Variants in EPS15 observed in about 807,000 individuals in gnomAD.
EPS15 encodes epidermal growth factor receptor substrate 15.
A neutral mutation model predicts 113.8 loss-of-function variants in EPS15; 72 were observed. The ratio of observed to expected loss-of-function variants is 0.63; its 90% CI spans 0.52 to 0.77. The LOEUF (loss-of-function observed/expected upper bound fraction) is 0.77, where lower values mean the gene tolerates loss of function less well. Among genes scored for constraint, EPS15 ranks in the 30% least tolerant of loss-of-function variants. The pLI is 0.00. For missense variants in EPS15, 1,048 were observed against 1,045.8 expected, an observed-to-expected ratio of 1.00 and a Z score of -0.03; for synonymous variants, 344 against 363.4, an observed-to-expected ratio of 0.95 and a Z score of 0.61.
intron 21 of EPS15, chr1:51,372,377 G>C (rs1019486259): frequency 5.6e-6 from 3 of 536,630 alleles, no homozygotes; most frequent in Non-Finnish European, 7.6e-6. Context: ...TTGTTGGTGT[G>C]CTTTTGGGGT....
At chr1:51,359,442 T>TGA (rs1292777294) in intron 24 of EPS15, among the ~76,000 whole-genome samples, 2 of 129,374 alleles carry the variant, frequency 1.5e-5, no homozygotes, top group South Asian at 2.3e-4. Flanking sequence ...GACTCTGTCT[T>TGA]TAAAAAAAAA....
intron 4 of EPS15, among the ~76,000 whole-genome samples, chr1:51,469,628 T>A (rs1655100823): frequency 6.6e-6 from 1 of 152,162 alleles, no homozygotes; most frequent in Non-Finnish European, 1.5e-5. Flanking sequence ...TGAAATCCCG[T>A]ACTCTCCCCC....
At chr1:51,473,995 G>A (rs956003854) in intron 2 of EPS15, among the ~76,000 whole-genome samples, 3 of 152,158 alleles carry the variant, frequency 2.0e-5, no homozygotes, top group African/African-American at 4.8e-5. Context: ...TTCCTGATCA[G>A]CATACAAAAC....
chr1:51,445,481 C>A (rs1231700140), intron 10 of EPS15, among the ~76,000 whole-genome samples: 3 of 152,166 alleles, frequency 2.0e-5, no homozygotes, highest in Admixed American at 2.0e-4. Context: ...ATGCCTCCTG[C>A]AACTCTTGGA....
At chr1:51,517,928 T>C (rs1409872960) in intron 1 of EPS15, among the ~76,000 whole-genome samples, 1 of 152,186 alleles carries the variant, frequency 6.6e-6, no homozygotes, top group Non-Finnish European at 1.5e-5. Context: ...CAAAGCCTCT[T>C]GATTTTAAAC....
chr1:51,461,301 C>A (rs1000790680), intron 7 of EPS15, 151 bp from the exon 8 acceptor site: 1 of 616,844 alleles, frequency 1.6e-6, no homozygotes, highest in Non-Finnish European at 2.9e-6. Context: ...AGGATCACTT[C>A]AGCCCAGGAG....
intron 12 of EPS15, among the ~76,000 whole-genome samples, chr1:51,424,367 A>G (rs1400945265): frequency 6.6e-6 from 1 of 152,178 alleles, no homozygotes; most frequent in African/African-American, 2.4e-5. Flanking sequence ...ATATCTAAAC[A>G]TATCTTTGTG....
chr1:51,385,597 G>A (rs1484698546), intron 21 of EPS15, among the ~76,000 whole-genome samples: 1 of 152,160 alleles, frequency 6.6e-6, no homozygotes, highest in African/African-American at 2.4e-5. Context: ...TCAGATATCT[G>A]TACCCTCACA....
chr1:51,503,716 C>T (rs534617070), intron 1 of EPS15, among the ~76,000 whole-genome samples: 1 of 152,282 alleles, frequency 6.6e-6, no homozygotes, highest in East Asian at 1.9e-4. Context: ...AACAACAATA[C>T]TCAAGACAGT....
At chr1:51,453,156 A>G (rs1451478056) in intron 8 of EPS15, among the ~76,000 whole-genome samples, 4 of 152,234 alleles carry the variant, frequency 2.6e-5, no homozygotes. Flanking sequence ...AAATTGTCAG[A>G]ATGGCACTGA....
At chr1:51,460,994 G>A (rs979003454) in intron 8 of EPS15, 97 bp downstream of exon 8, 1 of 800,716 alleles carries the variant, frequency 1.2e-6, no homozygotes, top group Non-Finnish European at 2.1e-6. Flanking sequence ...AATCTGATGA[G>A]AATATAGTTT....
At chr1:51,421,441 G>C (rs182803596) in intron 13 of EPS15, among the ~76,000 whole-genome samples, 3 of 151,736 alleles carry the variant, frequency 2.0e-5, no homozygotes, top group Non-Finnish European at 4.4e-5. Context: ...ATGATGATGA[G>C]ATGATGATCT....
intron 1 of EPS15, chr1:51,518,496 AG>A (rs1184377883): frequency 6.5e-6 from 1 of 152,970 alleles, no homozygotes; most frequent in Non-Finnish European, 1.5e-5. Flanking sequence ...GGGTGGCAAA[AG>A]GCTGCATTGG....
chr1:51,417,402 A>C (rs1262618442), intron 13 of EPS15, among the ~76,000 whole-genome samples: 1 of 152,326 alleles, frequency 6.6e-6, no homozygotes, highest in African/African-American at 2.4e-5. Flanking sequence ...ACACAAAACC[A>C]AAGTTTATTC....
At chr1:51,404,128 CA>C (rs1648863429) in intron 16 of EPS15, among the ~76,000 whole-genome samples, 1 of 152,120 alleles carries the variant, frequency 6.6e-6, no homozygotes, top group Non-Finnish European at 1.5e-5. Flanking sequence ...AGGCAGATCA[CA>C]AGGTCAGGAG....
At chr1:51,466,202 T>G (rs562519658) in intron 5 of EPS15, among the ~76,000 whole-genome samples, 1 of 151,304 alleles carries the variant, frequency 6.6e-6, no homozygotes, top group South Asian at 2.1e-4. Flanking sequence ...AAAATACATA[T>G]GAGAATTTAG....
At chr1:51,490,505 C>G (rs1366871157) in intron 1 of EPS15, among the ~76,000 whole-genome samples, 1 of 138,688 alleles carries the variant, frequency 7.2e-6, no homozygotes, top group Non-Finnish European at 1.5e-5. Flanking sequence ...GCAGAGGTTG[C>G]AGTGAGCCGA....
At chr1:51,463,474 T>C (rs1486890989) in intron 7 of EPS15, 199 bp downstream of exon 7, 2 of 427,522 alleles carry the variant, frequency 4.7e-6, no homozygotes, top group Non-Finnish European at 8.3e-6. Flanking sequence ...CAACCACTCA[T>C]TTTTACAGGG....
intron 21 of EPS15, among the ~76,000 whole-genome samples, chr1:51,389,668 A>T (rs1178136450): frequency 2.0e-5 from 3 of 152,288 alleles, no homozygotes; most frequent in African/African-American, 4.8e-5. Context: ...ATTCTTATAC[A>T]CCAATAACAG....
Sources: gnomAD v4.1 joint callset for allele counts (sites outside exome capture counted in the v4.1 genomes callset) on GRCh38, gnomAD v4.1.1 for gene constraint, MANE v1.5 for transcripts, NCBI Gene and HGNC (gene_info 2026-07-23, HGNC 2026-07-21) for gene names.